Variants in PTPRD observed in about 807,000 individuals in gnomAD.
PTPRD encodes protein tyrosine phosphatase receptor type D, also known as receptor-type tyrosine-protein phosphatase delta.
A neutral mutation model predicts 214.5 loss-of-function variants in PTPRD; 34 were observed. That is an observed-to-expected ratio of 0.16 (90% CI 0.12 to 0.21). PTPRD has a LOEUF of 0.21. Among genes scored for constraint, PTPRD ranks in the 10% least tolerant of loss-of-function variants. The pLI, the probability that PTPRD is intolerant of heterozygous loss-of-function variation, is 1.00. For synonymous variants in PTPRD, 1,128 were observed against 845.7 expected (o/e 1.33, Z -5.79); for missense variants, 2,545 against 2,398.7 (o/e 1.06, Z -1.27).
chr9:9,007,240 G>A (rs1045034275), intron 11 of PTPRD, among the ~76,000 whole-genome samples: 2 of 150,354 alleles, frequency 1.3e-5, no homozygotes, highest in Non-Finnish European at 3.0e-5. Flanking sequence ...ATTTAATTTC[G>A]ATAGACTTCT....
chr9:9,832,354 T>C (rs966798642), intron 5 of PTPRD, among the ~76,000 whole-genome samples: 3 of 151,964 alleles, frequency 2.0e-5, no homozygotes, highest in Admixed American at 6.6e-5. Context: ...TCTGAAGATA[T>C]GTAACTGTGT....
intron 8 of PTPRD, among the ~76,000 whole-genome samples, chr9:9,560,819 C>A (rs1310664166): frequency 1.3e-5 from 2 of 152,146 alleles, no homozygotes; most frequent in Non-Finnish European, 2.9e-5. Flanking sequence ...ACACTGTCCG[C>A]CCTGTCTTGG....
At chr9:9,656,267 T>A (rs1303509085) in intron 7 of PTPRD, among the ~76,000 whole-genome samples, 1 of 152,200 alleles carries the variant, frequency 6.6e-6, no homozygotes, top group Non-Finnish European at 1.5e-5. Flanking sequence ...CTTTAGTATT[T>A]ACCAAAATGC....
chr9:8,647,033 T>A (rs1202958793), intron 12 of PTPRD, among the ~76,000 whole-genome samples: 3 of 152,240 alleles, frequency 2.0e-5, no homozygotes, highest in Admixed American at 6.5e-5. Flanking sequence ...GCCACTGCAA[T>A]ACATTGATAT....
chr9:10,131,453 C>G (rs1481935223), intron 3 of PTPRD, among the ~76,000 whole-genome samples: 1 of 152,062 alleles, frequency 6.6e-6, no homozygotes, highest in Non-Finnish European at 1.5e-5. Flanking sequence ...TATTTTCAGT[C>G]TTTGAAGTAT....
intron 8 of PTPRD, among the ~76,000 whole-genome samples, chr9:9,572,878 A>G (rs923482071): frequency 1.3e-5 from 2 of 151,546 alleles, no homozygotes; most frequent in African/African-American, 4.8e-5. Context: ...TGCTGAAGTT[A>G]GGATGAAAAA....
chr9:9,424,632 GACTA>G (rs772478107), intron 8 of PTPRD, among the ~76,000 whole-genome samples: 26 of 152,228 alleles, frequency 1.7e-4, no homozygotes, highest in South Asian at 4.1e-4. Flanking sequence ...GGCTAAGGGT[GACTA>G]ACTAAAATCA....
chr9:8,894,841 C>G (rs971499773), intron 11 of PTPRD, among the ~76,000 whole-genome samples: 1 of 151,882 alleles, frequency 6.6e-6, no homozygotes, highest in African/African-American at 2.4e-5. Flanking sequence ...AAAAAAGGAA[C>G]ACAGGAACCA....
chr9:9,450,547 C>A (rs1569568440), intron 8 of PTPRD, among the ~76,000 whole-genome samples: 1 of 151,718 alleles, frequency 6.6e-6, no homozygotes, highest in Admixed American at 6.6e-5. Flanking sequence ...ACCAGAATTA[C>A]TTTTGGAGTT....
chr9:9,463,546 T>C (rs1460953375), intron 8 of PTPRD, among the ~76,000 whole-genome samples: 1 of 152,136 alleles, frequency 6.6e-6, no homozygotes, highest in Non-Finnish European at 1.5e-5. Flanking sequence ...TTAGAGTCAC[T>C]TTCCTATCAC....
chr9:8,770,435 C>T (rs2095116726), intron 11 of PTPRD, among the ~76,000 whole-genome samples: 2 of 151,860 alleles, frequency 1.3e-5, no homozygotes, highest in South Asian at 4.2e-4. Flanking sequence ...AAAATATGTT[C>T]TATGAGCTTT....
chr9:10,509,377 A>G (rs144505734), intron 2 of PTPRD, among the ~76,000 whole-genome samples: 3,018 of 151,324 alleles, frequency 0.02, 35 homozygotes, highest in Non-Finnish European at 0.031. Flanking sequence ...TTGGAATCTA[A>G]TCTTATGTTA....
At chr9:8,495,162 T>G (rs1250319378) in intron 26 of PTPRD, among the ~76,000 whole-genome samples, 1 of 152,224 alleles carries the variant, frequency 6.6e-6, no homozygotes, top group Non-Finnish European at 1.5e-5. Context: ...ATCTGCTAGA[T>G]GTTTTCCTGT....
intron 9 of PTPRD, among the ~76,000 whole-genome samples, chr9:9,331,236 A>C (rs2042198039): frequency 6.6e-6 from 1 of 152,090 alleles, no homozygotes; most frequent in South Asian, 2.1e-4. Context: ...TTTAGCTTGC[A>C]AATGGGTTAG....
chr9:9,046,505 GT>G (rs1309714218), intron 10 of PTPRD, among the ~76,000 whole-genome samples: 1 of 152,124 alleles, frequency 6.6e-6, no homozygotes, highest in Admixed American at 6.6e-5. Flanking sequence ...ACTCCAAATA[GT>G]TTAAAAAGAA....
chr9:8,730,813 C>T (rs1769674615), intron 12 of PTPRD, among the ~76,000 whole-genome samples: 1 of 152,154 alleles, frequency 6.6e-6, no homozygotes, highest in African/African-American at 2.4e-5. Flanking sequence ...ACTGGTTGGC[C>T]AGCCCTGAAG....
intron 7 of PTPRD, among the ~76,000 whole-genome samples, chr9:9,601,111 ATGTGTGTGTGTGTGTGTG>A (rs140016979): frequency 1.0e-5 from 1 of 97,472 alleles, no homozygotes; most frequent in Non-Finnish European, 1.9e-5. Flanking sequence ...AGATTAATAT[ATGTGTGTGTGTGTGTGTG>A]TGTGTGTGTG....
At chr9:9,363,786 A>G (rs1285856815) in intron 9 of PTPRD, among the ~76,000 whole-genome samples, 1 of 151,254 alleles carries the variant, frequency 6.6e-6, no homozygotes, top group Non-Finnish European at 1.5e-5. Flanking sequence ...CCATCGATAT[A>G]TTTTTTTCAT....
intron 4 of PTPRD, among the ~76,000 whole-genome samples, chr9:9,956,736 A>G (rs1247817611): frequency 6.6e-6 from 1 of 152,146 alleles, no homozygotes; most frequent in Non-Finnish European, 1.5e-5. Context: ...CTAGTAATAG[A>G]GACAGATCAA....
Sources: allele counts gnomAD v4.1 joint callset (sites outside exome capture counted in the v4.1 genomes callset), GRCh38; gene constraint gnomAD v4.1.1; transcripts MANE v1.5; gene names NCBI Gene and HGNC (gene_info 2026-07-23, HGNC 2026-07-21).